The following TET1 variants were observed in gnomAD, a reference collection of about 807,000 sequenced individuals.
TET1 encodes methylcytosine dioxygenase TET1.
Under a neutral mutation model 148.7 loss-of-function variants are expected in TET1, and 13 were observed. The observed-to-expected ratio is 0.09, with a 90% confidence interval of 0.06 to 0.14. The LOEUF (loss-of-function observed/expected upper bound fraction) is 0.14, where lower values mean the gene tolerates loss of function less well. TET1 is among the 10% of genes least tolerant of loss of function. The pLI is 1.00. For synonymous variants in TET1, 907 were observed against 937.2 expected, an observed-to-expected ratio of 0.97 and a Z score of 0.59; for missense variants, 2,182 against 2,553.8, an observed-to-expected ratio of 0.85 and a Z score of 3.14.
At chr10:68,668,660 A>G (rs897420732) in intron 7 of TET1, among the ~76,000 whole-genome samples, 2 of 152,100 alleles carry the variant, frequency 1.3e-5, no homozygotes, top group African/African-American at 4.8e-5. Context: ...GCTCACTGCA[A>G]TGTCTGCCTC....
intron 8 of TET1, among the ~76,000 whole-genome samples, chr10:68,673,935 C>CTTTTTT (rs11381293): frequency 1.3e-4 from 16 of 120,240 alleles, no homozygotes; most frequent in South Asian, 5.1e-4. Flanking sequence ...CTTTCTTTTT[C>CTTTTTT]TTTTTTTTTT....
intron 3 of TET1, among the ~76,000 whole-genome samples, chr10:68,641,591 C>G (rs1298231739): frequency 6.6e-6 from 1 of 151,760 alleles, no homozygotes; most frequent in African/African-American, 2.4e-5. Flanking sequence ...CTCCGCCTCC[C>G]GGGTTCAAGC....
At chr10:68,569,241 C>T (rs536878975) in intron 1 of TET1, among the ~76,000 whole-genome samples, 10 of 137,842 alleles carry the variant, frequency 7.3e-5, no homozygotes, top group South Asian at 4.7e-4. Flanking sequence ...GGTGCAATCT[C>T]GGCTCACTGC....
intron 1 of TET1, 143 bp from the exon 2 acceptor site, chr10:68,572,074 T>G (rs534187917): frequency 2.7e-6 from 1 of 374,514 alleles, no homozygotes; most frequent in South Asian, 3.9e-5. Context: ...GCTGTGATCA[T>G]GCCTCTGCAC....
At chr10:68,688,780 T>C (rs543875124) in intron 11 of TET1, among the ~76,000 whole-genome samples, 24 of 152,156 alleles carry the variant, frequency 1.6e-4, no homozygotes, top group African/African-American at 5.8e-4. Context: ...GGCTTATCTA[T>C]ATAATTCTGC....
chr10:68,594,893 C>A (rs994750660), intron 2 of TET1, among the ~76,000 whole-genome samples: 1 of 151,256 alleles, frequency 6.6e-6, no homozygotes, highest in Non-Finnish European at 1.5e-5. Flanking sequence ...GCAGGAGAAT[C>A]CCTTGAACCC....
chr10:68,681,361 C>T (rs369072213), intron 8 of TET1, 38 bp from the exon 9 acceptor site: 57 of 1,365,762 alleles, frequency 4.2e-5, no homozygotes, highest in South Asian at 1.5e-4. Context: ...CATGAAGGTG[C>T]GATTATAAAA....
intron 11 of TET1, among the ~76,000 whole-genome samples, chr10:68,688,549 C>T (rs961991753): frequency 6.6e-5 from 10 of 151,260 alleles, no homozygotes; most frequent in Non-Finnish European, 1.0e-4. Context: ...ATTCTCCTGC[C>T]TCAACCTCCC....
intron 3 of TET1, among the ~76,000 whole-genome samples, chr10:68,628,582 G>A (rs183758520): frequency 2.6e-4 from 40 of 152,352 alleles, no homozygotes; most frequent in African/African-American, 8.7e-4. Flanking sequence ...ATAGAGAGCT[G>A]TGTAGGGATA....
rs77500190 is a variant in TET1 at position 68,645,253 on chromosome 10, A to G, written c.2524A>G (p.Ile842Val). 193 of 1,614,102 alleles carry G rather than the reference A, an allele frequency of 1.2e-4. No homozygotes were observed. The East Asian group carries it at 3.7e-3, about 31-fold the overall frequency. ...CSSIPHSSHS[I>V]INHHASIHNE... ...TTCCATTCCACATTCTTCACACTCCATCATAAATCATCATGCTAGTATACA... is the reference window on the plus strand; with the variant it reads ...TTCCATTCCACATTCTTCACACTCCGTCATAAATCATCATGCTAGTATACA... The change falls in exon 4 of 12, where the codon ATC becomes GTC. Residue 842 changes from isoleucine to valine, a missense_variant. Physicochemically the swap from Ile to Val is conservative, Grantham distance 29 (BLOSUM62 3). Transcript: ENST00000373644.
intron 3 of TET1, among the ~76,000 whole-genome samples, chr10:68,610,546 GC>G (rs1172140191): frequency 6.7e-6 from 1 of 149,330 alleles, no homozygotes; most frequent in African/African-American, 2.5e-5. Context: ...AGTTGAGATC[GC>G]CCACTGCACT....
intron 8 of TET1, 23 bp downstream of exon 8, chr10:68,673,068 A>C (rs2055296603): frequency 6.3e-7 from 1 of 1,583,858 alleles, no homozygotes; most frequent in African/African-American, 1.3e-5. Flanking sequence ...CTTTATTCAA[A>C]TAATTTATTT....
chr10:68,668,571 G>A (rs988823444), intron 7 of TET1, among the ~76,000 whole-genome samples: 1 of 152,202 alleles, frequency 6.6e-6, no homozygotes, highest in African/African-American at 2.4e-5. Context: ...GATAAGTTTT[G>A]TTGTTGTTCT....
In TET1 at chr10:68,644,830, A is replaced by G. The variant is rs2054814909; in HGVS notation, c.2101A>G (p.Ser701Gly). ...TGAAAATGTAACTAAAAATGAAGAC[A>G]GCATGACAGGCATCGAGGTGGAGAA... ...TVENVTKNED[S>G]MTGIEVEKWT... Residue 701 changes from serine (S) to glycine (G), a missense_variant, in exon 4 of 12, where the codon AGC (serine) becomes GGC (glycine). Ser to Gly is a moderately conservative substitution (Grantham distance 56). Transcript: ENST00000373644. 1.9e-6 allele frequency: 3 copies of G among 1,614,074 alleles called. No homozygotes were observed. In the East Asian group the frequency reaches 6.7e-5, roughly 36 times the overall value.
intron 11 of TET1, among the ~76,000 whole-genome samples, chr10:68,686,970 C>T (rs1184453623): frequency 6.6e-6 from 1 of 151,660 alleles, no homozygotes; most frequent in African/African-American, 2.4e-5. Context: ...TCACTGCAAG[C>T]TCTGCCTCCT....
Position 68,690,937 on chromosome 10 carries a change from C to T in TET1, c.5534C>T (p.Ser1845Phe). 6.2e-7 allele frequency: 1 copy of T among 1,614,240 alleles called. No individual in the cohort carries two copies. The highest frequency in any genetic ancestry group is 1.1e-5 in the South Asian group (1 of 91,090). The change falls in exon 12 of 12, where the codon TCT (serine) becomes TTT (phenylalanine). Residue 1845 changes from serine (S) to phenylalanine (F), a missense_variant. By Grantham distance (155) the Ser-to-Phe change is radical. Around this residue, in one of 11 missense-constraint regions of TET1, gnomAD observed 380 missense variants for 387.9 expected, o/e 0.98. Transcript: ENST00000373644. ...PSAPHPVKEASPGFSWSPKTA... is the reference protein window; with the variant it reads ...PSAPHPVKEAFPGFSWSPKTA... ...GCTCCTCACCCAGTGAAAGAGGCAT[C>T]TCCAGGCTTCTCCTGGTCCCCGAAG...
intron 2 of TET1, among the ~76,000 whole-genome samples, chr10:68,578,537 G>A (rs766550788): frequency 5.9e-5 from 9 of 151,940 alleles, no homozygotes; most frequent in Non-Finnish European, 1.3e-4. Context: ...CGATTACTGC[G>A]CGTGGCTGAT....
chr10:68,683,496 T>C (rs372912126), intron 10 of TET1, among the ~76,000 whole-genome samples: 6 of 152,136 alleles, frequency 3.9e-5, no homozygotes, highest in African/African-American at 1.4e-4. Flanking sequence ...GCCAGGATGG[T>C]CTTGATCTCA....
At chr10:68,614,756 G>A (rs2054264482) in intron 3 of TET1, among the ~76,000 whole-genome samples, 2 of 152,010 alleles carry the variant, frequency 1.3e-5, no homozygotes, top group Non-Finnish European at 2.9e-5. Context: ...ATCACACCTG[G>A]CTAAATTTTG....
Sources: allele counts gnomAD v4.1 joint callset (sites outside exome capture counted in the v4.1 genomes callset), GRCh38; gene constraint gnomAD v4.1.1; regional missense constraint gnomAD v4.1.1; transcripts MANE v1.5; gene names NCBI Gene and HGNC (gene_info 2026-07-23, HGNC 2026-07-21).